PAG1: variants seen among roughly 807,000 people sequenced by gnomAD.
PAG1 encodes phosphoprotein associated with glycosphingolipid-enriched microdomains 1.
A neutral mutation model predicts 31.7 loss-of-function variants in PAG1; 23 were observed. That is an observed-to-expected ratio of 0.73 (90% CI 0.52 to 1.03). The LOEUF (loss-of-function observed/expected upper bound fraction) is 1.03, where lower values mean the gene tolerates loss of function less well. Ranked by LOEUF, PAG1 falls within the 50% of genes least tolerant of loss-of-function variation. The pLI is 0.00. For missense variants in PAG1, 473 were observed against 540.7 expected (o/e 0.87, Z 1.24); for synonymous variants, 214 against 210.3 (o/e 1.02, Z -0.15).
At chr8:80,996,689 A>G (rs1389097031) in intron 3 of PAG1, among the ~76,000 whole-genome samples, 1 of 152,136 alleles carries the variant, frequency 6.6e-6, no homozygotes, top group African/African-American at 2.4e-5. Flanking sequence ...CTGAGGGTAG[A>G]GGCCTCATGC....
At chr8:81,056,982 C>T (rs1808834703) in intron 2 of PAG1, among the ~76,000 whole-genome samples, 1 of 152,220 alleles carries the variant, frequency 6.6e-6, no homozygotes, top group Admixed American at 6.5e-5. Flanking sequence ...CTCATCATCA[C>T]TGGCCATCGG....
rs554242451 is a variant in PAG1 at position 81,099,969 on chromosome 8, T to G, written c.-234+11622A>C. 6.6e-5 allele frequency among the ~76,000 whole-genome samples: 10 copies of G among 152,338 alleles called. No individual in the cohort carries two copies. In the East Asian group the frequency reaches 1.9e-3, roughly 29 times the overall value. Reference sequence around the variant, plus strand: ...TCCCTTCTTTCCTGACATTTCACAGTAATGCCAGTTGAAATTTAAAAAGAC... The same window carrying G: ...TCCCTTCTTTCCTGACATTTCACAGGAATGCCAGTTGAAATTTAAAAAGAC... On this transcript the variant is annotated intron_variant, in intron 1 of 8. Coordinates refer to ENST00000220597, the MANE Select transcript of PAG1 (RefSeq NM_018440.4).
At chr8:80,994,689 T>C (rs183250553) in intron 3 of PAG1, among the ~76,000 whole-genome samples, 3 of 152,302 alleles carry the variant, frequency 2.0e-5, no homozygotes, top group Non-Finnish European at 4.4e-5. Context: ...CCTGTCCCAA[T>C]ACTTCGAAAC....
rs140373500 is a variant in PAG1 at position 81,061,175 on chromosome 8, C to G, written c.-175+8937G>C. Among the ~76,000 whole-genome samples the G allele has an allele frequency of 4.2e-3, 644 of 152,232 alleles. 8 individuals carry two copies. The highest frequency in any genetic ancestry group is 0.022 in the South Asian group (105 of 4,816). ...GATGAGAAGTGAAGTATTCTTAAAG[C>G]CTTCCTTCTTATAGCATTACTCACG... On this transcript the variant is annotated intron_variant, in intron 2 of 8. Transcript: ENST00000220597.
intron 1 of PAG1, among the ~76,000 whole-genome samples, chr8:81,106,380 ATT>A (rs34323983): frequency 6.8e-6 from 1 of 147,990 alleles, no homozygotes; most frequent in Non-Finnish European, 1.5e-5. Flanking sequence ...CTTCTTCCGT[ATT>A]TTTTTTTTTA....
intron 3 of PAG1, among the ~76,000 whole-genome samples, chr8:81,009,624 A>C (rs1366726364): frequency 1.3e-5 from 2 of 151,966 alleles, no homozygotes; most frequent in East Asian, 3.9e-4. Flanking sequence ...TCCATTGCCA[A>C]CTTTTTTTTT....
chr8:81,071,581 T>C (rs1427071404), intron 1 of PAG1, among the ~76,000 whole-genome samples: 1 of 152,212 alleles, frequency 6.6e-6, no homozygotes, highest in African/African-American at 2.4e-5. Flanking sequence ...ATAGTACTTG[T>C]TCAAAAGTGG....
chr8:81,062,787 T>G (rs1808939108), intron 2 of PAG1, among the ~76,000 whole-genome samples: 1 of 152,124 alleles, frequency 6.6e-6, no homozygotes, highest in African/African-American at 2.4e-5. Context: ...CAGGTGATCC[T>G]CCCACCTCGG....
intron 2 of PAG1, among the ~76,000 whole-genome samples, chr8:81,049,171 C>A (rs1441096169): frequency 6.6e-6 from 1 of 152,174 alleles, no homozygotes; most frequent in Non-Finnish European, 1.5e-5. Flanking sequence ...AGATTTTCTT[C>A]ATCAAAACCC....
intron 2 of PAG1, among the ~76,000 whole-genome samples, chr8:81,041,263 G>A (rs1808550101): frequency 6.6e-6 from 1 of 152,048 alleles, no homozygotes; most frequent in East Asian, 1.9e-4. Context: ...AAGTAGTACA[G>A]GCAAGAAAAT....
At chr8:81,055,733 T>G (rs1438567140) in intron 2 of PAG1, among the ~76,000 whole-genome samples, 1 of 152,134 alleles carries the variant, frequency 6.6e-6, no homozygotes, top group Admixed American at 6.5e-5. Context: ...TGAATGGGAG[T>G]TCACTCATGA....
Position 81,006,668 on chromosome 8 carries a change from A to AT in PAG1, c.-80-13362dup, listed in dbSNP as rs563474235. ...CACACTGTCTTCCTCGAGATTTTCC[A>AT]TTTTTTTTTTCTATTTGGAAATCAT... is the stretch of plus-strand genomic sequence containing the variant. On this transcript the variant is annotated intron_variant, in intron 3 of 8. Transcript: ENST00000220597. Among the ~76,000 whole-genome samples, 105 of 150,496 alleles carry AT rather than the reference A, an allele frequency of 7.0e-4. No individual in the cohort carries two copies. In the South Asian group the frequency reaches 9.9e-3, roughly 14 times the overall value.
chr8:81,039,301 A>G (rs1311926172), intron 2 of PAG1: 1 of 152,208 alleles, frequency 6.6e-6, no homozygotes, highest in Non-Finnish European at 1.5e-5. Context: ...AGTAGTTAAG[A>G]TGAGGTCACA....
rs189985652 is a variant in PAG1, at chr8:80,972,339, A to T, written c.*4205T>A. The T allele has an allele frequency of 3.3e-5, 5 of 152,324 alleles. No individual in the cohort carries two copies. Among genetic ancestry groups the T allele is most frequent in the Admixed American group, 3.3e-4 (5 of 15,298 alleles). 9.4% of individuals were successfully genotyped at this position (152,324 alleles called of 1,614,324 possible). ...ATTAACTATTACAAGGGGCACTGGA[A>T]AAAAAGGTCATTTGCTCATTTACAA... On this transcript the variant is annotated 3_prime_UTR_variant, in exon 9 of 9. Transcript: ENST00000220597.
chr8:81,111,090 GTTGT>G (rs774907410), intron 1 of PAG1, among the ~76,000 whole-genome samples: 5 of 152,320 alleles, frequency 3.3e-5, no homozygotes, highest in Non-Finnish European at 7.4e-5. Context: ...CGACATATAA[GTTGT>G]TTTTTCCCTA....
chr8:81,002,603 C>G (rs1807806569), intron 3 of PAG1, among the ~76,000 whole-genome samples: 1 of 152,240 alleles, frequency 6.6e-6, no homozygotes, highest in Non-Finnish European at 1.5e-5. Context: ...CTCTCCCACA[C>G]CATTAGATGT....
chr8:80,995,051 G>A (rs536912799), intron 3 of PAG1, among the ~76,000 whole-genome samples: 20 of 152,312 alleles, frequency 1.3e-4, no homozygotes, highest in African/African-American at 3.8e-4. Flanking sequence ...CTAAAACGGG[G>A]AGAATAAAAG....
chr8:81,010,208 C>T (rs982933097), intron 3 of PAG1, among the ~76,000 whole-genome samples: 1 of 152,162 alleles, frequency 6.6e-6, no homozygotes, highest in African/African-American at 2.4e-5. Context: ...GTCTATGCTG[C>T]AATTCACATA....
chr8:81,001,137 G>A (rs1228368546), intron 3 of PAG1, among the ~76,000 whole-genome samples: 1 of 152,196 alleles, frequency 6.6e-6, no homozygotes, highest in Non-Finnish European at 1.5e-5. Context: ...CACCTCTCAG[G>A]TGTGGCTGAG....
Sources: gnomAD v4.1 joint callset for allele counts (sites outside exome capture counted in the v4.1 genomes callset) on GRCh38, gnomAD v4.1.1 for gene constraint, MANE v1.5 for transcripts, NCBI Gene and HGNC (gene_info 2026-07-23, HGNC 2026-07-21) for gene names.